Variants in USP13 observed in about 807,000 individuals in gnomAD.
The protein encoded by USP13 is ubiquitin carboxyl-terminal hydrolase 13.
A neutral mutation model predicts 107.8 loss-of-function variants in USP13; 68 were observed. The observed-to-expected ratio is 0.63, with a 90% CI of 0.52 to 0.77. The LOEUF (loss-of-function observed/expected upper bound fraction) is 0.77, where lower values mean the gene tolerates loss of function less well. USP13 is among the 30% of genes least tolerant of loss of function. The probability of loss-of-function intolerance (pLI) is 0.00; values close to 1 mark genes in which losing one functional copy is unlikely to be tolerated. For missense variants in USP13, 945 were observed against 1,093.3 expected (o/e 0.86, Z 1.91); for synonymous variants, 377 against 389.5 (o/e 0.97, Z 0.38).
At chr3:179,728,256 C>A (rs1241019717) in intron 8 of USP13, among the ~76,000 whole-genome samples, 1 of 150,670 alleles carries the variant, frequency 6.6e-6, no homozygotes, top group Non-Finnish European at 1.5e-5. Flanking sequence ...ACGCTCCTCA[C>A]TTCCCAGACG....
chr3:179,741,479 C>T (rs1022368700), intron 11 of USP13, among the ~76,000 whole-genome samples: 2 of 151,386 alleles, frequency 1.3e-5, no homozygotes, highest in Non-Finnish European at 2.9e-5. Flanking sequence ...TAAAGCCTCC[C>T]GAGTAGCTGG....
At chr3:179,687,685 A>AAAAAAAAAAAAAAAT in intron 2 of USP13, among the ~76,000 whole-genome samples, 1 of 144,790 alleles carries the variant, frequency 6.9e-6, no homozygotes, top group South Asian at 2.2e-4. Flanking sequence ...AAAAAAAAAA[A>AAAAAAAAAAAAAAAT]GGACTAGTGC....
At chr3:179,688,099 G>GTCCATCCATCCA (rs763601246) in intron 2 of USP13, among the ~76,000 whole-genome samples, 51,271 of 139,994 alleles carry the variant, frequency 0.37, 10,173 homozygotes, top group Admixed American at 0.46. Flanking sequence ...CCATCCATCC[G>GTCCATCCATCCA]TCCATCCATC....
At chr3:179,661,038 T>A (rs1356153353) in intron 1 of USP13, among the ~76,000 whole-genome samples, 1 of 152,238 alleles carries the variant, frequency 6.6e-6, no homozygotes, top group Non-Finnish European at 1.5e-5. Flanking sequence ...ATTTGAACAA[T>A]TACATTCTAT....
intron 1 of USP13, among the ~76,000 whole-genome samples, chr3:179,674,965 G>T (rs985386432): frequency 1.3e-5 from 2 of 152,130 alleles, no homozygotes; most frequent in African/African-American, 4.8e-5. Flanking sequence ...CACAAGGTCA[G>T]GAGATTGAGA....
chr3:179,701,298 C>T (rs968044712), intron 4 of USP13, among the ~76,000 whole-genome samples, 169 bp downstream of exon 4: 2 of 152,194 alleles, frequency 1.3e-5, no homozygotes, highest in Admixed American at 6.5e-5. Flanking sequence ...TCTTCTGTGA[C>T]AGGAGTCTTG....
chr3:179,715,011 A>T (rs1280845454), intron 6 of USP13, among the ~76,000 whole-genome samples: 1 of 150,382 alleles, frequency 6.6e-6, no homozygotes, highest in Non-Finnish European at 1.5e-5. Flanking sequence ...CTGGGAGCAC[A>T]GGTGCTTGCC....
intron 10 of USP13, among the ~76,000 whole-genome samples, chr3:179,739,877 G>A (rs1412069254): frequency 6.6e-6 from 1 of 152,086 alleles, no homozygotes; most frequent in African/African-American, 2.4e-5. Flanking sequence ...AACTTCCATC[G>A]GAAACCTCTC....
intron 19 of USP13, 145 bp from the exon 20 acceptor site, chr3:179,781,594 T>A: frequency 1.6e-6 from 1 of 620,702 alleles, no homozygotes; most frequent in Non-Finnish European, 2.8e-6. Context: ...TATGTGTGTG[T>A]TGTCAACATA....
chr3:179,716,597 A>G (rs1713121919), intron 6 of USP13, among the ~76,000 whole-genome samples: 2 of 152,250 alleles, frequency 1.3e-5, no homozygotes, highest in South Asian at 4.1e-4. Context: ...TTAACAGCAT[A>G]GTCCTAATAG....
intron 17 of USP13, among the ~76,000 whole-genome samples, chr3:179,761,761 A>T (rs1381802788): frequency 6.6e-6 from 1 of 152,078 alleles, no homozygotes; most frequent in East Asian, 1.9e-4. Flanking sequence ...AAAAAACCCC[A>T]AACAGCTTTA....
chr3:179,749,283 G>A (rs1714515056), intron 13 of USP13, among the ~76,000 whole-genome samples: 1 of 151,912 alleles, frequency 6.6e-6, no homozygotes, highest in African/African-American at 2.4e-5. Flanking sequence ...ATTGTTGTTG[G>A]GACATATTCT....
rs544253622 is a variant in USP13 at position 179,690,294 on chromosome 3, T to A, written c.348T>A (p.Ile116=). 3.7e-6 allele frequency: 6 copies of A among 1,613,836 alleles called. No homozygotes were observed. In the African/African-American group the frequency reaches 5.3e-5, roughly 14 times the overall value. ...TACCAAAAAGGAGGAATTCCAAGAT[T>A]TTTTTAGGTAAATAGTTATCAGTAG... ...GALPKRRNSK[I]FLDLDTDDDL... Residue 116 remains isoleucine (I), a synonymous_variant, in exon 3 of 21, where the codon ATT becomes ATA. Transcript: ENST00000263966.
chr3:179,667,938 G>A (rs998739539), intron 1 of USP13, among the ~76,000 whole-genome samples: 1 of 152,054 alleles, frequency 6.6e-6, no homozygotes, highest in Non-Finnish European at 1.5e-5. Context: ...GTGAGCCACC[G>A]TGCCCGGCTG....
At chr3:179,668,188 T>TG (rs1376716269) in intron 1 of USP13, among the ~76,000 whole-genome samples, 1 of 152,158 alleles carries the variant, frequency 6.6e-6, no homozygotes, top group African/African-American at 2.4e-5. Context: ...TTTTTAGAGA[T>TG]GGGGTCTCGC....
At chr3:179,774,790 CCCATTTTACAGAGAGCTGATTGGT>C (rs1456114200) in intron 19 of USP13, among the ~76,000 whole-genome samples, 12 of 152,192 alleles carry the variant, frequency 7.9e-5, no homozygotes, top group African/African-American at 1.4e-4. Flanking sequence ...TGCTGATTGG[CCCATTTTACAGAGAGCTGATTGGT>C]CCATTTTACA....
chr3:179,746,192 T>A (rs112614803), intron 13 of USP13, among the ~76,000 whole-genome samples: 2 of 147,104 alleles, frequency 1.4e-5, no homozygotes, highest in South Asian at 2.1e-4. Context: ...TATATATATA[T>A]AAAATTTTAT....
At chr3:179,771,217 A>G (rs982127452) in intron 19 of USP13, among the ~76,000 whole-genome samples, 2 of 152,032 alleles carry the variant, frequency 1.3e-5, no homozygotes, top group African/African-American at 4.8e-5. Flanking sequence ...GCCTCCCACA[A>G]CTATATCTTT....
intron 1 of USP13, among the ~76,000 whole-genome samples, chr3:179,661,974 C>G (rs932388248): frequency 1.2e-4 from 18 of 152,176 alleles, no homozygotes; most frequent in Non-Finnish European, 1.5e-5. Context: ...GTCATCTGTG[C>G]AGTTTCTTGT....
Sources: gnomAD v4.1 joint callset for allele counts (sites outside exome capture counted in the v4.1 genomes callset) on GRCh38, gnomAD v4.1.1 for gene constraint, MANE v1.5 for transcripts, NCBI Gene and HGNC (gene_info 2026-07-23, HGNC 2026-07-21) for gene names.